Variants in AP3D1 observed in about 807,000 individuals in gnomAD.
AP3D1 encodes AP-3 complex subunit delta-1.
A neutral mutation model predicts 147.6 loss-of-function variants in AP3D1; 51 were observed. The ratio of observed to expected loss-of-function variants is 0.35; its 90% confidence interval spans 0.28 to 0.44. The LOEUF (loss-of-function observed/expected upper bound fraction) is 0.44, where lower values mean the gene tolerates loss of function less well. Among genes scored for constraint, AP3D1 ranks in the 20% least tolerant of loss-of-function variants. The probability of loss-of-function intolerance (pLI) is 1.00; values close to 1 mark genes in which losing one functional copy is unlikely to be tolerated. For missense variants in AP3D1, 1,421 were observed against 1,624.2 expected, an observed-to-expected ratio of 0.87 and a Z score of 2.15; for synonymous variants, 760 against 663.0, an observed-to-expected ratio of 1.15 and a Z score of -2.25.
rs2108825 is a variant in AP3D1, at chr19:2,136,516, T to A, written c.354+495A>T. Reference sequence around the variant, plus strand: ...AAAGGTGTTCAGAGCTCGGGGCCAATAAGGACCTTTACTACTACCCAGTGG... The same window carrying A: ...AAAGGTGTTCAGAGCTCGGGGCCAAAAAGGACCTTTACTACTACCCAGTGG... On this transcript the variant is annotated intron_variant, in intron 4 of 31. Coordinates refer to ENST00000643116, the MANE Select transcript of AP3D1 (RefSeq NM_001261826.3). Among the ~76,000 whole-genome samples, 4 of 152,032 alleles carry A rather than the reference T, an allele frequency of 2.6e-5. No homozygotes were observed. In the East Asian group the frequency reaches 7.8e-4, roughly 29 times the overall value.
intron 1 of AP3D1, among the ~76,000 whole-genome samples, chr19:2,159,368 G>GCA (rs2019676192): frequency 6.7e-6 from 1 of 150,342 alleles, no homozygotes; most frequent in Non-Finnish European, 1.5e-5. Flanking sequence ...ACAGGCATGC[G>GCA]CCACCATGCC....
At chr19:2,129,206 C>T in intron 7 of AP3D1, 43 bp from the exon 8 acceptor site, 1 of 1,608,260 alleles carries the variant, frequency 6.2e-7, no homozygotes, top group Non-Finnish European at 8.5e-7. Flanking sequence ...GGGAATGCCC[C>T]ACGCAGGGTG....
At chr19:2,110,676 C>T in intron 27 of AP3D1, 31 bp downstream of exon 27, 1 of 1,550,234 alleles carries the variant, frequency 6.5e-7, no homozygotes, top group Non-Finnish European at 8.7e-7. Context: ...CCACAGTCCC[C>T]AGGAGAGGCC....
rs540370857 is a variant in AP3D1 at position 2,146,581 on chromosome 19, G to C, written c.96+4658C>G. On this transcript the variant is annotated intron_variant, in intron 1 of 31. Coordinates refer to ENST00000643116, the MANE Select transcript of AP3D1 (RefSeq NM_001261826.3). ...ATTGTGCCGCTGCATTCCAGCCTGGGTGACAGACGGAGCAAGACCCTGTCT... is the reference window on the plus strand; with the variant it reads ...ATTGTGCCGCTGCATTCCAGCCTGGCTGACAGACGGAGCAAGACCCTGTCT... Among the ~76,000 whole-genome samples, 17 of 147,408 alleles carry C rather than the reference G, an allele frequency of 1.2e-4. No homozygotes were observed. In the South Asian group the frequency reaches 3.5e-3, roughly 30 times the overall value.
chr19:2,137,132 G>C, intron 3 of AP3D1, 41 bp from the exon 4 acceptor site: 1 of 1,511,536 alleles, frequency 6.6e-7, no homozygotes, highest in East Asian at 2.4e-5. Flanking sequence ...CAGGACACCC[G>C]CAGCCTCCAG....
At chr19:2,102,592 G>A (rs2144976894) in intron 31 of AP3D1, among the ~76,000 whole-genome samples, 1 of 152,140 alleles carries the variant, frequency 6.6e-6, no homozygotes, top group East Asian at 1.9e-4. Context: ...GCCAGGCAGG[G>A]TGGCGGGTGC....
At chr19:2,116,375 T>G (rs2018449478) in intron 17 of AP3D1, 97 bp from the exon 18 acceptor site, 1 of 1,380,042 alleles carries the variant, frequency 7.2e-7, no homozygotes, top group South Asian at 1.3e-5. Context: ...AGGCTGGATC[T>G]CTGGCTATTT....
chr19:2,163,785 G>C (rs2019797899), intron 1 of AP3D1, among the ~76,000 whole-genome samples: 1 of 151,350 alleles, frequency 6.6e-6, no homozygotes, highest in Non-Finnish European at 1.5e-5. Context: ...TGCGTGCGTG[G>C]ATTCGGGCGG....
At chr19:2,163,197 C>A (rs1339470596) in intron 1 of AP3D1, among the ~76,000 whole-genome samples, 1 of 152,272 alleles carries the variant, frequency 6.6e-6, no homozygotes, top group Non-Finnish European at 1.5e-5. Context: ...CCTCAGCCCC[C>A]GCAGTAGCTG....
intron 3 of AP3D1, 37 bp from the exon 4 acceptor site, chr19:2,137,128 A>T: frequency 6.5e-7 from 1 of 1,529,736 alleles, no homozygotes; most frequent in Non-Finnish European, 8.9e-7. Context: ...GAGGCAGGAC[A>T]CCCGCAGCCT....
chr19:2,132,742 C>G (rs1318672738), intron 4 of AP3D1, among the ~76,000 whole-genome samples, 164 bp from the exon 5 acceptor site: 2 of 152,174 alleles, frequency 1.3e-5, no homozygotes, highest in African/African-American at 4.8e-5. Context: ...GCTGAGGGGT[C>G]TGAAGCTGAA....
At chr19:2,141,982 A>G (rs2019233301) in intron 1 of AP3D1, among the ~76,000 whole-genome samples, 1 of 149,686 alleles carries the variant, frequency 6.7e-6, no homozygotes, top group South Asian at 2.1e-4. Context: ...ACTTGTTTAC[A>G]TATATATACA....
At chr19:2,107,656 C>A (rs905316036) in intron 31 of AP3D1, among the ~76,000 whole-genome samples, 7 of 151,092 alleles carry the variant, frequency 4.6e-5, no homozygotes, top group Non-Finnish European at 1.0e-4. Flanking sequence ...AGGAGAATGG[C>A]GTGAACCAGG....
intron 31 of AP3D1, among the ~76,000 whole-genome samples, chr19:2,104,666 G>GTTTTTT (rs967229513): frequency 8.8e-6 from 1 of 113,462 alleles, no homozygotes; most frequent in Non-Finnish European, 1.8e-5. Context: ...TCTGACACAA[G>GTTTTTT]TTTTTTTTTT....
upstream of AP3D1, among the ~76,000 whole-genome samples, chr19:2,152,405 T>G (rs1315252865): frequency 6.6e-6 from 1 of 151,706 alleles, no homozygotes; most frequent in Non-Finnish European, 1.5e-5. Flanking sequence ...TAGCTGGGTG[T>G]GATGGTGGGC....
intron 1 of AP3D1, among the ~76,000 whole-genome samples, chr19:2,142,051 C>T (rs1225604116): frequency 2.6e-5 from 4 of 151,108 alleles, no homozygotes; most frequent in Non-Finnish European, 5.9e-5. Flanking sequence ...CAGAGTTTTG[C>T]TCGTCGCCCA....
chr19:2,113,346 A>ACGGGGGCGGGGG lies in AP3D1; in HGVS notation c.2657_2668dup (p.Ala886_Pro889dup). On this transcript the variant is annotated inframe_insertion, in exon 23 of 32. Transcript: ENST00000643116. ...CTGCCAGTCTCTTACCGTGGATGGA[A>ACGGGGGCGGGGG]CGGGGGCGGGGGCGGGGGCGGGGGC... 1 of 500,846 alleles carries ACGGGGGCGGGGG rather than the reference A, an allele frequency of 2.0e-6. No individual in the cohort carries two copies. The highest frequency in any genetic ancestry group is 2.9e-6 in the Non-Finnish European group (1 of 346,432). 31.0% of individuals were successfully genotyped at this position (500,846 alleles called of 1,614,324 possible).
intron 31 of AP3D1, among the ~76,000 whole-genome samples, chr19:2,105,932 TAA>T (rs901498974): frequency 6.6e-6 from 1 of 151,918 alleles, no homozygotes; most frequent in Admixed American, 6.6e-5. Context: ...CCGTCTCTAC[TAA>T]AGAGACAAAA....
intron 3 of AP3D1, 54 bp from the exon 4 acceptor site, chr19:2,137,145 G>C: frequency 6.8e-7 from 1 of 1,460,506 alleles, no homozygotes; most frequent in Non-Finnish European, 9.4e-7. Flanking sequence ...GCCTCCAGGA[G>C]CTCCAGCTCT....
Sources: allele counts gnomAD v4.1 joint callset (sites outside exome capture counted in the v4.1 genomes callset), GRCh38; gene constraint gnomAD v4.1.1; transcripts MANE v1.5; gene names NCBI Gene and HGNC (gene_info 2026-07-23, HGNC 2026-07-21).